The following SELENOI variants were observed in gnomAD, a reference collection of about 807,000 sequenced individuals.
SELENOI encodes the protein ethanolaminephosphotransferase 1.
A neutral mutation model predicts 50.7 loss-of-function variants in SELENOI; 24 were observed. The ratio of observed to expected loss-of-function variants is 0.47; its 90% confidence interval spans 0.34 to 0.67. The LOEUF (loss-of-function observed/expected upper bound fraction) is 0.67. SELENOI is among the 30% of genes least tolerant of loss of function. The pLI is 0.01. For missense variants in SELENOI, 352 were observed against 461.4 expected (o/e 0.76, Z 2.17); for synonymous variants, 155 against 170.2 (o/e 0.91, Z 0.70).
chr2:26,392,139 G>A lies in SELENOI; in HGVS notation c.*3036G>A, dbSNP rs1054865853. ...AGGCATTGAGAGGAGGGGAGTGTATGTCTAGAGTTACCCCAATTCTAAATA... is the reference window on the plus strand; with the variant it reads ...AGGCATTGAGAGGAGGGGAGTGTATATCTAGAGTTACCCCAATTCTAAATA... On this transcript the variant is annotated 3_prime_UTR_variant, in exon 10 of 10. Coordinates refer to ENST00000260585, the MANE Select transcript of SELENOI (RefSeq NM_033505.4). 3 of 152,118 alleles carry A rather than the reference G, an allele frequency of 2.0e-5. No individual in the cohort carries two copies. Among genetic ancestry groups the A allele is most frequent in the African/African-American group, 7.2e-5 (3 of 41,414 alleles). 9.4% of individuals were successfully genotyped at this position (152,118 alleles called of 1,614,324 possible).
chr2:26,363,648 C>G (rs925023462), intron 1 of SELENOI, among the ~76,000 whole-genome samples: 1 of 152,128 alleles, frequency 6.6e-6, no homozygotes, highest in Non-Finnish European at 1.5e-5. Context: ...TTTAGACTTC[C>G]CCTATGATAA....
intron 6 of SELENOI, among the ~76,000 whole-genome samples, chr2:26,380,429 C>T (rs562407516): frequency 4.3e-4 from 65 of 152,244 alleles, no homozygotes; most frequent in African/African-American, 1.4e-3. Flanking sequence ...TATATCCCAG[C>T]GATCACTCCA....
At chr2:26,364,160 T>A in intron 1 of SELENOI, 142 bp from the exon 2 acceptor site, 1 of 442,550 alleles carries the variant, frequency 2.3e-6, no homozygotes. Context: ...CAAGTGATCC[T>A]CAGGCCTCAG....
At chr2:26,367,074 CT>C (rs2147951376) in intron 3 of SELENOI, 71 bp from the exon 4 acceptor site, 1 of 1,244,664 alleles carries the variant, frequency 8.0e-7, no homozygotes, top group East Asian at 2.6e-5. Context: ...ACACTTCTCA[CT>C]GTCAGTATAT....
intron 8 of SELENOI, among the ~76,000 whole-genome samples, chr2:26,385,906 G>A (rs1677829198): frequency 6.6e-6 from 1 of 152,188 alleles, no homozygotes; most frequent in Admixed American, 6.5e-5. Context: ...CAAAAATAAA[G>A]GAGCCAAAGA....
intron 8 of SELENOI, among the ~76,000 whole-genome samples, chr2:26,385,700 G>C (rs1027415318): frequency 2.6e-5 from 4 of 152,170 alleles, no homozygotes; most frequent in African/African-American, 7.2e-5. Flanking sequence ...AAGCCAGAAG[G>C]TCTGTGTTCT....
In SELENOI at chr2:26,373,590, G is replaced by T. The variant is rs1163084716; in HGVS notation, c.534G>T (p.Gly178=). 1 of 1,613,754 alleles carries T rather than the reference G, an allele frequency of 6.2e-7. No individual in the cohort carries two copies. Among genetic ancestry groups the T allele is most frequent in the Admixed American group, 1.7e-5 (1 of 59,996 alleles). ...ILSHWEKYNT[G]ILFLPWGYDI... is the part of the protein sequence containing the mutation. ...CCCACTGGGAAAAGTATAACACAGGGATTCTTTTCCTGCCATGGGGATATG... is the reference window on the plus strand; with the variant it reads ...CCCACTGGGAAAAGTATAACACAGGTATTCTTTTCCTGCCATGGGGATATG... Residue 178 remains glycine, a synonymous_variant, in exon 5 of 10, where the codon GGG becomes GGT. Transcript: ENST00000260585.
chr2:26,346,443 GGGGTCGGGGAGCGT>G, intron 1 of SELENOI, 154 bp downstream of exon 1: 1 of 942,362 alleles, frequency 1.1e-6, no homozygotes, highest in African/African-American at 1.7e-5. Context: ...CTGGGGATTG[GGGGTCGGGGAGCGT>G]GGGAGCATCC....
intron 1 of SELENOI, among the ~76,000 whole-genome samples, chr2:26,355,617 T>C (rs1217678716): frequency 2.6e-5 from 4 of 152,110 alleles, no homozygotes; most frequent in Non-Finnish European, 5.9e-5. Flanking sequence ...TTCTCCAGTC[T>C]CCTATTGCCA....
At chr2:26,353,085 G>A (rs989913288) in intron 1 of SELENOI, among the ~76,000 whole-genome samples, 1 of 152,208 alleles carries the variant, frequency 6.6e-6, no homozygotes, top group Non-Finnish European at 1.5e-5. Context: ...TGGAGGTGGT[G>A]TAGAGGGCCA....
At chr2:26,377,357 C>T (rs943900720) in intron 6 of SELENOI, among the ~76,000 whole-genome samples, 38 of 151,856 alleles carry the variant, frequency 2.5e-4, no homozygotes, top group African/African-American at 8.7e-4. Context: ...TCCCTGGGTG[C>T]GGTGGCTCAC....
At chr2:26,367,419 A>G (rs866171765) in intron 4 of SELENOI, among the ~76,000 whole-genome samples, 199 bp downstream of exon 4, 6 of 152,252 alleles carry the variant, frequency 3.9e-5, no homozygotes, top group South Asian at 2.1e-4. Flanking sequence ...ACAGAATAAG[A>G]TAAGAGTTGG....
Position 26,348,996 on chromosome 2 carries a change from CTTTTTTTTTTTTTTTTTTTT to C in SELENOI, c.57+2723_57+2742del, listed in dbSNP as rs869073468. 5.2e-3 allele frequency among the ~76,000 whole-genome samples: 301 copies of C among 57,754 alleles called. 13 individuals carry two copies. The South Asian group carries it at 0.19, about 37-fold the overall frequency. The allele number at this position is 57,754 out of a possible 152,430, so 37.9% of individuals were successfully genotyped here. A position where few individuals can be genotyped will look rare whatever the true frequency, so the allele number is the denominator to read the frequency against. ...CTACCCATCCTTTGTTTTGGACAGG[CTTTTTTTTTTTTTTTTTTTT>C]TTTTTTTTTTTTTTTGGAGATGGAG... On this transcript the variant is annotated intron_variant, in intron 1 of 9. Transcript: ENST00000260585.
chr2:26,384,712 A>G (rs1677802443), intron 7 of SELENOI, among the ~76,000 whole-genome samples: 1 of 152,222 alleles, frequency 6.6e-6, no homozygotes, highest in African/African-American at 2.4e-5. Context: ...AAATGGGATT[A>G]GAGGTCAGAA....
chr2:26,368,636 G>C (rs1238760362), intron 4 of SELENOI, among the ~76,000 whole-genome samples: 4 of 152,084 alleles, frequency 2.6e-5, no homozygotes, highest in Non-Finnish European at 5.9e-5. Flanking sequence ...GATAATATAT[G>C]ATATATGCCC....
chr2:26,365,805 T>A (rs957163346), intron 3 of SELENOI, among the ~76,000 whole-genome samples: 1 of 76,052 alleles, frequency 1.3e-5, no homozygotes, highest in Non-Finnish European at 3.6e-5. Flanking sequence ...CTTTTTTTTT[T>A]TTTTTTTTTT....
At chr2:26,380,080 T>A (rs1160193216) in intron 6 of SELENOI, among the ~76,000 whole-genome samples, 3 of 152,262 alleles carry the variant, frequency 2.0e-5, no homozygotes, top group Admixed American at 2.0e-4. Context: ...GTTGTGGATT[T>A]ATACATCTAG....
rs144332302 is a variant in SELENOI, at chr2:26,356,065, T to C, written c.58-8237T>C. ...GTGAGCCAGCATTCCTGGCCTCAAG[T>C]CTTGTATTGATTAAAAGTACATTAA... is the stretch of plus-strand genomic sequence containing the variant. On this transcript the variant is annotated intron_variant, in intron 1 of 9. Coordinates refer to ENST00000260585, the MANE Select transcript of SELENOI (RefSeq NM_033505.4). Among the ~76,000 whole-genome samples, 580 of 152,346 alleles carry C rather than the reference T, an allele frequency of 3.8e-3. 3 individuals carry two copies. Among genetic ancestry groups the C allele is most frequent in the Non-Finnish European group, 4.6e-3 (316 of 68,032 alleles).
intron 1 of SELENOI, chr2:26,347,029 C>T (rs1468370291): frequency 6.6e-6 from 1 of 152,180 alleles, no homozygotes; most frequent in Non-Finnish European, 1.5e-5. Flanking sequence ...ACTAGGACCC[C>T]AGTAAATAAA....
Sources: allele counts gnomAD v4.1 joint callset (sites outside exome capture counted in the v4.1 genomes callset), GRCh38; gene constraint gnomAD v4.1.1; transcripts MANE v1.5; gene names NCBI Gene and HGNC (gene_info 2026-07-23, HGNC 2026-07-21).